IFT140: variants seen among roughly 807,000 people sequenced by gnomAD.
IFT140 encodes intraflagellar transport 140.
A neutral mutation model predicts 164.6 loss-of-function variants in IFT140; 133 were observed. The observed-to-expected ratio is 0.81, with a 90% confidence interval of 0.70 to 0.93. IFT140 has a LOEUF of 0.93. IFT140 is among the 40% of genes least tolerant of loss of function. The pLI is 0.00. For missense variants in IFT140, 2,045 were observed against 1,972.3 expected (o/e 1.04, Z -0.70); for synonymous variants, 860 against 817.3 (o/e 1.05, Z -0.89).
At chr16:1,572,367 C>A (rs2034064893) in intron 13 of IFT140, among the ~76,000 whole-genome samples, 1 of 152,240 alleles carries the variant, frequency 6.6e-6, no homozygotes, top group African/African-American at 2.4e-5. Flanking sequence ...GCCCCACAGG[C>A]CGGGCGCGGT....
At chr16:1,516,859 T>C (rs1041217662) in intron 30 of IFT140, among the ~76,000 whole-genome samples, 4 of 151,650 alleles carry the variant, frequency 2.6e-5, no homozygotes, top group African/African-American at 9.7e-5. Flanking sequence ...AAAAGTTGAC[T>C]GGTAGAAAAC....
rs745415176 is a variant in IFT140, at chr16:1,571,448, C to G, written c.1611G>C (p.Gly537=). The G allele has an allele frequency of 3.2e-5, 52 of 1,614,062 alleles. No individual in the cohort carries two copies. Among genetic ancestry groups the G allele is most frequent in the Non-Finnish European group, 4.1e-5 (48 of 1,180,036 alleles). Residue 537 remains glycine, a synonymous_variant, in exon 14 of 31, where the codon GGG becomes GGC. Coordinates refer to ENST00000426508, the MANE Select transcript of IFT140 (RefSeq NM_014714.4). ...LDICGNFLVV[G]TDLAHFKSFD... ...AGCTTTTAAAGTGAGCCAAGTCTGT[C>G]CCTACAACCAGGAAATTCCCACAGA...
intron 15 of IFT140, among the ~76,000 whole-genome samples, chr16:1,567,574 C>G (rs1179763935): frequency 6.6e-6 from 1 of 152,250 alleles, no homozygotes; most frequent in African/African-American, 2.4e-5. Flanking sequence ...AGGCAGTGGG[C>G]GGGGTCCTTG....
chr16:1,511,970 G>C (rs997114323), intron 30 of IFT140, among the ~76,000 whole-genome samples: 2 of 151,628 alleles, frequency 1.3e-5, no homozygotes, highest in African/African-American at 4.9e-5. Context: ...GACCAGGGTC[G>C]AAGAGGGACC....
intron 19 of IFT140, among the ~76,000 whole-genome samples, chr16:1,547,565 C>T (rs1324305803): frequency 6.6e-6 from 1 of 152,138 alleles, no homozygotes; most frequent in Non-Finnish European, 1.5e-5. Context: ...GAGATAGGGT[C>T]TCACTCCGAT....
intron 13 of IFT140, chr16:1,578,363 G>T (rs1329200336): frequency 6.6e-6 from 1 of 152,152 alleles, no homozygotes; most frequent in East Asian, 1.9e-4. Flanking sequence ...CTTGGAGATG[G>T]ATAAAAATCA....
chr16:1,598,830 C>T (rs886821401), intron 4 of IFT140, among the ~76,000 whole-genome samples: 5 of 151,998 alleles, frequency 3.3e-5, no homozygotes, highest in East Asian at 1.9e-4. Context: ...TCTGCCCGGC[C>T]GCCACCCCGT....
chr16:1,525,424 G>A (rs943524858), intron 21 of IFT140, 98 bp from the exon 22 acceptor site: 241 of 886,042 alleles, frequency 2.7e-4, no homozygotes, highest in Non-Finnish European at 4.0e-4. Flanking sequence ...GCATCAGAGC[G>A]GTGGCCCTCG....
chr16:1,512,553 A>G (rs1486823315), intron 30 of IFT140, among the ~76,000 whole-genome samples: 1 of 152,158 alleles, frequency 6.6e-6, no homozygotes, highest in Non-Finnish European at 1.5e-5. Flanking sequence ...GAAATATTTA[A>G]AATGTGGATT....
rs749563050 is a variant in IFT140, at chr16:1,520,048, C to T, written c.3874-1G>A. The T allele has an allele frequency of 2.5e-6, 4 of 1,604,706 alleles. No homozygotes were observed. Among genetic ancestry groups the T allele is most frequent in the Admixed American group, 3.4e-5 (2 of 59,110 alleles). On this transcript the variant is annotated splice_acceptor_variant, in intron 28 of 30. Transcript: ENST00000426508. LOFTEE classifies it high-confidence loss of function. ...AGTTCTGGTATTCATCAATCTCCACCTGTACAGATGAAACCCGTCAAGACC... is the reference window on the plus strand; with the variant it reads ...AGTTCTGGTATTCATCAATCTCCACTTGTACAGATGAAACCCGTCAAGACC...
chr16:1,602,593 T>C lies in IFT140; in HGVS notation c.148-2A>G, dbSNP rs775682083. ...GTGTGTATCTGGCACGCACTCCCCCTGCATTGGATGAGAGGCAAATTCCCA... is the reference window on the plus strand; with the variant it reads ...GTGTGTATCTGGCACGCACTCCCCCCGCATTGGATGAGAGGCAAATTCCCA... On this transcript the variant is annotated splice_acceptor_variant, in intron 3 of 30. Coordinates refer to ENST00000426508, the MANE Select transcript of IFT140 (RefSeq NM_014714.4). LOFTEE classifies it high-confidence loss of function. 6.2e-7 allele frequency: 1 copy of C among 1,609,752 alleles called. No homozygotes were observed. Among genetic ancestry groups the C allele is most frequent in the Admixed American group, 1.7e-5 (1 of 60,016 alleles).
At chr16:1,556,092 C>G (rs906899694) in intron 19 of IFT140, among the ~76,000 whole-genome samples, 1 of 152,162 alleles carries the variant, frequency 6.6e-6, no homozygotes, top group Admixed American at 6.5e-5. Context: ...GGTGACAGAG[C>G]AAGACTCCGT....
Position 1,589,806 on chromosome 16 carries a change from A to C in IFT140, c.635-26T>G, listed in dbSNP as rs147585083. On this transcript the variant is annotated intron_variant, in intron 6 of 30. Transcript: ENST00000426508. ...CTGGGGACAAACGTGGGGTCACTACATGAGGAGGCCCTGGTTTATCTGCTT... is the reference window on the plus strand; with the variant it reads ...CTGGGGACAAACGTGGGGTCACTACCTGAGGAGGCCCTGGTTTATCTGCTT... The C allele has an allele frequency of 4.6e-4, 726 of 1,591,590 alleles. 4 individuals are homozygous for C. The African/African-American group carries it at 8.4e-3, about 18-fold the overall frequency.
intron 3 of IFT140, 89 bp downstream of exon 3, chr16:1,607,031 C>G (rs970794732): frequency 7.6e-7 from 1 of 1,318,870 alleles, no homozygotes; most frequent in Non-Finnish European, 1.1e-6. Context: ...GGCACACACA[C>G]ACATGTGCAC....
chr16:1,552,939 C>G, intron 19 of IFT140: 1 of 983,962 alleles, frequency 1.0e-6, no homozygotes, highest in Non-Finnish European at 1.2e-6. Flanking sequence ...AGGCGTAAAC[C>G]ACTGTGCCTT....
chr16:1,594,928 A>G (rs1018103641), intron 4 of IFT140, among the ~76,000 whole-genome samples: 4 of 152,256 alleles, frequency 2.6e-5, no homozygotes, highest in Admixed American at 6.5e-5. Flanking sequence ...AATCTCCCCA[A>G]ATGCTGGATA....
chr16:1,516,115 GC>G (rs1314114825), intron 30 of IFT140, among the ~76,000 whole-genome samples: 1 of 81,182 alleles, frequency 1.2e-5, no homozygotes, highest in Non-Finnish European at 2.6e-5. Context: ...TCCAGCCTGG[GC>G]TACAAAGAGC....
chr16:1,512,794 C>T (rs530333372), intron 30 of IFT140, among the ~76,000 whole-genome samples: 1 of 152,258 alleles, frequency 6.6e-6, no homozygotes, highest in East Asian at 1.9e-4. Context: ...CGTCTCAAAA[C>T]CAAACCAAGC....
chr16:1,583,683 ATTGT>A (rs1435332280), intron 11 of IFT140, among the ~76,000 whole-genome samples: 2 of 143,544 alleles, frequency 1.4e-5, no homozygotes, highest in Admixed American at 7.0e-5. Context: ...TTTTAAATTT[ATTGT>A]TTAACTGACA....
Sources: gnomAD v4.1 joint callset for allele counts (sites outside exome capture counted in the v4.1 genomes callset) on GRCh38, gnomAD v4.1.1 for gene constraint, MANE v1.5 for transcripts, NCBI Gene and HGNC (gene_info 2026-07-23, HGNC 2026-07-21) for gene names.